Variants in JAKMIP3 observed in about 807,000 individuals in gnomAD.
JAKMIP3 encodes janus kinase and microtubule-interacting protein 3.
In JAKMIP3, 58 loss-of-function variants were observed where a neutral mutation model predicts 118.5. The observed-to-expected ratio is 0.49, with a 90% CI of 0.40 to 0.61. The LOEUF (loss-of-function observed/expected upper bound fraction) is 0.61, where lower values mean the gene tolerates loss of function less well. Ranked by LOEUF, JAKMIP3 falls within the 20% of genes least tolerant of loss-of-function variation. JAKMIP3 has a pLI of 0.00. For synonymous variants in JAKMIP3, 486 were observed against 451.2 expected (o/e 1.08, Z -0.98); for missense variants, 950 against 1,109.0 (o/e 0.86, Z 2.04).
intron 3 of JAKMIP3, among the ~76,000 whole-genome samples, chr10:132,126,589 A>G (rs1189463872): frequency 1.8e-5 from 2 of 109,996 alleles, no homozygotes; most frequent in African/African-American, 3.5e-5. Flanking sequence ...GCACTCTCCT[A>G]AAGTACTGTG....
intron 16 of JAKMIP3, among the ~76,000 whole-genome samples, chr10:132,151,891 T>G (rs969614965): frequency 6.6e-6 from 1 of 152,230 alleles, no homozygotes; most frequent in African/African-American, 2.4e-5. Context: ...GCTGGGGAGC[T>G]CTTGACAGTG....
chr10:132,113,270 C>T (rs922503536), intron 2 of JAKMIP3, among the ~76,000 whole-genome samples: 8 of 152,184 alleles, frequency 5.3e-5, no homozygotes, highest in Non-Finnish European at 1.2e-4. Context: ...TTATACATGG[C>T]AGATCCCCGG....
At position 132,137,482 on chromosome 10, in the gene JAKMIP3, G is replaced by C. The variant is rs1222734975; in HGVS notation, c.1284+193G>C. ...GGCTGACGCCCTTCAGTGTGGGTCA[G>C]AGAGGAGCCAGGGACACCCACTGAT... On this transcript the variant is annotated intron_variant, in intron 8 of 23. Transcript: ENST00000684848. Among the ~76,000 whole-genome samples the C allele has an allele frequency of 6.6e-5, 10 of 152,362 alleles. No individual in the cohort carries two copies. In the East Asian group the frequency reaches 1.9e-3, roughly 29 times the overall value.
At chr10:132,163,448 C>T (rs1420672592) in intron 20 of JAKMIP3, 36 bp downstream of exon 20, 1 of 1,553,870 alleles carries the variant, frequency 6.4e-7, no homozygotes, top group East Asian at 2.3e-5. Context: ...GGCGTGAAGA[C>T]CTGGCCAGGA....
chr10:132,117,599 GT>G lies in JAKMIP3; in HGVS notation c.633+26del. On this transcript the variant is annotated intron_variant, in intron 3 of 23. Transcript: ENST00000684848. The surrounding 1 kb of genome is among the most constrained non-coding windows in gnomAD (Gnocchi z 8.6). ...GGTACGTGGGCAGGCAGGGGCGGGC[GT>G]GGGCGAGGGTGCAGGGGCGGGCGTG... 2.3e-6 allele frequency: 2 copies of G among 880,240 alleles called. No homozygotes were observed. Among genetic ancestry groups the G allele is most frequent in the South Asian group, 2.0e-5 (1 of 50,044 alleles). 54.5% of individuals were successfully genotyped at this position (880,240 alleles called of 1,614,324 possible). A position where few individuals can be genotyped will look rare whatever the true frequency, so the allele number is the denominator to read the frequency against.
Position 132,138,420 on chromosome 10 carries a change from C to T in JAKMIP3, c.1344+242C>T, listed in dbSNP as rs200540392. ...CGGGTGTGTGCGGAGAGGGGTGCGCCGGTGTATGTGGAGGGCGCTGGGTGT... is the reference window on the plus strand; with the variant it reads ...CGGGTGTGTGCGGAGAGGGGTGCGCTGGTGTATGTGGAGGGCGCTGGGTGT... On this transcript the variant is annotated intron_variant, in intron 9 of 23. Coordinates refer to ENST00000684848, the MANE Select transcript of JAKMIP3 (RefSeq NM_001323087.2). Among the ~76,000 whole-genome samples, 14 of 132,740 alleles carry T rather than the reference C, an allele frequency of 1.1e-4. No homozygotes were observed. In the East Asian group the frequency reaches 2.1e-3, roughly 20 times the overall value. 87.1% of individuals were successfully genotyped at this position (132,740 alleles called of 152,430 possible). A position where few individuals can be genotyped will look rare whatever the true frequency, so the allele number is the denominator to read the frequency against.
chr10:132,040,373 G>A (rs1335047744), intron 1 of JAKMIP3, among the ~76,000 whole-genome samples: 1 of 152,174 alleles, frequency 6.6e-6, no homozygotes, highest in East Asian at 1.9e-4. Flanking sequence ...TGATGGGGAT[G>A]AGCTGACCGA....
chr10:132,062,639 TTC>T (rs1399783250), upstream of JAKMIP3, among the ~76,000 whole-genome samples: 1 of 152,278 alleles, frequency 6.6e-6, no homozygotes, highest in Non-Finnish European at 1.5e-5. Flanking sequence ...ATTATGCTAT[TTC>T]TCCAAAACAC....
chr10:132,136,373 G>A (rs1261133838), intron 6 of JAKMIP3, among the ~76,000 whole-genome samples: 4 of 152,164 alleles, frequency 2.6e-5, no homozygotes, highest in Admixed American at 6.5e-5. Context: ...CCTCCAACTC[G>A]GAAAATCCCG....
At chr10:132,060,446 A>T (rs922592612), upstream of JAKMIP3, among the ~76,000 whole-genome samples, 3 of 152,274 alleles carry the variant, frequency 2.0e-5, no homozygotes, top group South Asian at 2.1e-4. Context: ...TTACAATTTT[A>T]AAAAAATGGA....
intron 1 of JAKMIP3, among the ~76,000 whole-genome samples, chr10:132,048,799 A>T (rs2038012203): frequency 2.2e-5 from 2 of 92,762 alleles, no homozygotes; most frequent in African/African-American, 6.4e-5. Flanking sequence ...ACCACCCCCG[A>T]CTAATTTTTT....
chr10:132,064,972 CAG>C (rs1290126867), upstream of JAKMIP3, among the ~76,000 whole-genome samples: 3 of 152,124 alleles, frequency 2.0e-5, no homozygotes, highest in Admixed American at 6.5e-5. This position sits in a 1 kb window ranked among gnomAD's most constrained non-coding sequence, Gnocchi z 4.4. Flanking sequence ...GGAACTGAGG[CAG>C]AGCGGGCTGG....
At chr10:132,058,758 C>G (rs774771389) in intron 1 of JAKMIP3, among the ~76,000 whole-genome samples, 1 of 152,204 alleles carries the variant, frequency 6.6e-6, no homozygotes, top group African/African-American at 2.4e-5. Context: ...AGATGCTTCT[C>G]GACAGACGAG....
chr10:132,157,862 A>G (rs1048792011), intron 19 of JAKMIP3, among the ~76,000 whole-genome samples: 1 of 152,160 alleles, frequency 6.6e-6, no homozygotes, highest in African/African-American at 2.4e-5. Context: ...TTGATATCAA[A>G]CACTGTTTTG....
intron 1 of JAKMIP3, among the ~76,000 whole-genome samples, chr10:132,075,259 T>C (rs1334937553): frequency 1.3e-5 from 2 of 152,210 alleles, no homozygotes; most frequent in African/African-American, 4.8e-5. Flanking sequence ...TTGGGCAGTA[T>C]GGATTATACT....
At chr10:132,146,212 C>A (rs561638788) in intron 13 of JAKMIP3, among the ~76,000 whole-genome samples, 1 of 146,622 alleles carries the variant, frequency 6.8e-6, no homozygotes, top group African/African-American at 2.5e-5. Context: ...TCAGAACATG[C>A]GATGTGTGGC....
chr10:132,179,509 A>G lies in JAKMIP3; in HGVS notation c.*1104-2848A>G, dbSNP rs1329633858. Among the ~76,000 whole-genome samples the G allele has an allele frequency of 1.3e-5, 2 of 152,178 alleles. No individual in the cohort carries two copies. On this transcript the variant is annotated intron_variant, in intron 23 of 23. Coordinates refer to ENST00000684848, the MANE Select transcript of JAKMIP3 (RefSeq NM_001323087.2). The surrounding 1 kb of genome is among the most constrained non-coding windows in gnomAD (Gnocchi z 4.3). Reference sequence around the variant, plus strand: ...CTTACTGTGGCACTGATACACTCACATAAACATTTGCCACGTGAATGGCCA... The same window carrying G: ...CTTACTGTGGCACTGATACACTCACGTAAACATTTGCCACGTGAATGGCCA...
intron 1 of JAKMIP3, among the ~76,000 whole-genome samples, chr10:132,100,305 C>T (rs12761016): frequency 0.26 from 38,833 of 152,086 alleles, 5,540 homozygotes; most frequent in Non-Finnish European, 0.33. Flanking sequence ...GGGGCCGAGC[C>T]CTTGGCATGA....
At chr10:132,048,668 T>TTTTC (rs1491273909) in intron 1 of JAKMIP3, among the ~76,000 whole-genome samples, 7 of 15,438 alleles carry the variant, frequency 4.5e-4, no homozygotes, top group South Asian at 3.6e-3. Context: ...GTTTCTTTTC[T>TTTTC]TTTTTTTTTT....
Sources: allele counts gnomAD v4.1 joint callset (sites outside exome capture counted in the v4.1 genomes callset), GRCh38; gene constraint gnomAD v4.1.1; non-coding constraint Gnocchi (gnomAD v3.1); transcripts MANE v1.5; gene names NCBI Gene and HGNC (gene_info 2026-07-23, HGNC 2026-07-21).